Variants in HSDL2 observed in about 807,000 individuals in gnomAD.
The protein encoded by HSDL2 is hydroxysteroid dehydrogenase like 2.
Under a neutral mutation model 46.3 loss-of-function variants are expected in HSDL2, and 27 were observed. The observed-to-expected ratio is 0.58, with a 90% confidence interval of 0.43 to 0.80. The LOEUF (loss-of-function observed/expected upper bound fraction) is 0.80, where lower values mean the gene tolerates loss of function less well. Ranked by LOEUF, HSDL2 falls within the 30% of genes least tolerant of loss-of-function variation. HSDL2 has a pLI of 0.00. For synonymous variants in HSDL2, 153 were observed against 163.6 expected (o/e 0.94, Z 0.50); for missense variants, 451 against 502.7 (o/e 0.90, Z 0.98).
chr9:112,433,282 G>A (rs1183564641), intron 6 of HSDL2, among the ~76,000 whole-genome samples: 5 of 152,278 alleles, frequency 3.3e-5, no homozygotes, highest in East Asian at 1.9e-4. Context: ...GAACTACAAG[G>A]TTGGTGTATG....
At chr9:112,445,580 A>G (rs1186710237) in intron 8 of HSDL2, among the ~76,000 whole-genome samples, 3 of 151,952 alleles carry the variant, frequency 2.0e-5, no homozygotes, top group African/African-American at 7.2e-5. Flanking sequence ...GCTGGAATGC[A>G]GTGGCATGAT....
intron 10 of HSDL2, among the ~76,000 whole-genome samples, chr9:112,460,808 A>G (rs1161836665): frequency 2.0e-5 from 3 of 152,212 alleles, no homozygotes; most frequent in African/African-American, 7.2e-5. Context: ...CCACTGAAAG[A>G]TGACCATAAT....
At chr9:112,433,157 A>G (rs1832447340) in intron 6 of HSDL2, among the ~76,000 whole-genome samples, 1 of 152,186 alleles carries the variant, frequency 6.6e-6, no homozygotes, top group African/African-American at 2.4e-5. Flanking sequence ...AATTGAAATG[A>G]GATCTCAAGG....
rs1232381857 is a variant in HSDL2, at chr9:112,406,425, C to G, written c.280+703C>G. ...TCATCTTCTTCACAAAGTCAGTTCC[C>G]TCACCATGCCAACTAATCAGAATTA... On this transcript the variant is annotated intron_variant, in intron 3 of 10. Transcript: ENST00000398805. Among the ~76,000 whole-genome samples, 4 of 152,160 alleles carry G rather than the reference C, an allele frequency of 2.6e-5. No individual in the cohort carries two copies. The East Asian group carries it at 7.7e-4, about 29-fold the overall frequency.
chr9:112,463,310 G>C (rs558533883), intron 10 of HSDL2, among the ~76,000 whole-genome samples: 16 of 141,824 alleles, frequency 1.1e-4, no homozygotes, highest in Admixed American at 8.7e-4. Context: ...GTCTCGCTTT[G>C]CTGCCCAGGC....
chr9:112,439,981 C>G (rs959841406), intron 7 of HSDL2, among the ~76,000 whole-genome samples: 1 of 152,126 alleles, frequency 6.6e-6, no homozygotes, highest in Non-Finnish European at 1.5e-5. Flanking sequence ...GGCACAGTGC[C>G]CAGCATATAG....
intron 1 of HSDL2, among the ~76,000 whole-genome samples, chr9:112,398,703 C>T (rs1204428187): frequency 1.3e-5 from 2 of 152,078 alleles, no homozygotes; most frequent in East Asian, 3.9e-4. Context: ...GGCCCAATCA[C>T]CCCAAACAGT....
intron 1 of HSDL2, among the ~76,000 whole-genome samples, chr9:112,398,989 C>G (rs2132612965): frequency 6.6e-6 from 1 of 152,340 alleles, no homozygotes; most frequent in South Asian, 2.1e-4. Flanking sequence ...GGGAGCCGAA[C>G]AAGCGTTTCT....
chr9:112,454,046 A>G lies in HSDL2; in HGVS notation c.899A>G (p.Gln300Arg). The G allele has an allele frequency of 6.2e-7, 1 of 1,614,086 alleles. No homozygotes were observed. Among genetic ancestry groups the G allele is most frequent in the Non-Finnish European group, 8.5e-7 (1 of 1,179,970 alleles). Residue 300 changes from glutamine (Q) to arginine (R), a missense_variant, in exon 9 of 11, where the codon CAG (glutamine) becomes CGG (arginine). Physicochemically the swap from Gln to Arg is conservative, Grantham distance 43. Transcript: ENST00000398805. ...AVPEFKEEKL[Q>R]LQPKPRSGAV... is the part of the protein sequence containing the mutation. ...CCAGAATTCAAAGAAGAGAAACTGC[A>G]GCTGCAACCAAAACCACGTTCTGGA... is the stretch of plus-strand genomic sequence containing the variant.
At chr9:112,425,993 G>A (rs1411824761) in intron 6 of HSDL2, among the ~76,000 whole-genome samples, 1 of 152,068 alleles carries the variant, frequency 6.6e-6, no homozygotes, top group African/African-American at 2.4e-5. Context: ...CTTGCACCTC[G>A]GCCTCCCAAA....
At chr9:112,452,733 G>A (rs927699123) in intron 8 of HSDL2, among the ~76,000 whole-genome samples, 4 of 152,174 alleles carry the variant, frequency 2.6e-5, no homozygotes, top group South Asian at 2.1e-4. Context: ...GTGACAAAGC[G>A]AGACTGTCTC....
At chr9:112,456,611 A>G (rs142906681) in intron 9 of HSDL2, among the ~76,000 whole-genome samples, 2 of 152,212 alleles carry the variant, frequency 1.3e-5, no homozygotes, top group African/African-American at 4.8e-5. Context: ...CACTTTCTCT[A>G]GGAAACCCCA....
At chr9:112,401,174 A>G in intron 1 of HSDL2, among the ~76,000 whole-genome samples, 1 of 152,170 alleles carries the variant, frequency 6.6e-6, no homozygotes, top group East Asian at 1.9e-4. Flanking sequence ...TGAGTAAGTA[A>G]AAAGTTTAAA....
intron 8 of HSDL2, among the ~76,000 whole-genome samples, chr9:112,447,083 G>T (rs1173935508): frequency 2.0e-5 from 3 of 152,164 alleles, no homozygotes; most frequent in Admixed American, 2.0e-4. Context: ...TTGTGTATCA[G>T]TCTAGGTGAT....
rs115891408 is a variant in HSDL2 at position 112,443,246 on chromosome 9, T to C, written c.865+1476T>C. On this transcript the variant is annotated intron_variant, in intron 8 of 10. Transcript: ENST00000398805. Reference sequence around the variant, plus strand: ...CCAAATTTTAAATAAGAACCACTTATTGATCATGTATGTTCTTTTTGTTTA... The same window carrying C: ...CCAAATTTTAAATAAGAACCACTTACTGATCATGTATGTTCTTTTTGTTTA... 4.7e-3 allele frequency among the ~76,000 whole-genome samples: 717 copies of C among 152,318 alleles called. 4 individuals carry two copies. Among genetic ancestry groups the C allele is most frequent in the African/African-American group, 0.016 (669 of 41,570 alleles).
chr9:112,418,749 A>G lies in HSDL2; in HGVS notation c.500-111A>G, dbSNP rs564239136. ...CATACATATGTATATACATACATGC[A>G]CACATATATCAGGAAGAAAATAGTA... On this transcript the variant is annotated intron_variant, in intron 5 of 10. Transcript: ENST00000398805. 9 of 474,868 alleles carry G rather than the reference A, an allele frequency of 1.9e-5. No individual in the cohort carries two copies. In the South Asian group the frequency reaches 2.1e-4, roughly 11 times the overall value. The allele number at this position is 474,868 out of a possible 1,614,324, so 29.4% of individuals were successfully genotyped here.
chr9:112,461,146 T>G (rs923149920), intron 10 of HSDL2, among the ~76,000 whole-genome samples: 18 of 152,042 alleles, frequency 1.2e-4, no homozygotes, highest in African/African-American at 4.3e-4. Context: ...GTGTTAACCT[T>G]GGTTCACTGC....
chr9:112,444,063 C>T (rs1283581924), intron 8 of HSDL2, among the ~76,000 whole-genome samples: 1 of 152,240 alleles, frequency 6.6e-6, no homozygotes, highest in Non-Finnish European at 1.5e-5. Flanking sequence ...ACTTCCCTCA[C>T]CTAATGCTGC....
At chr9:112,394,733 T>G (rs1455423742) in intron 1 of HSDL2, among the ~76,000 whole-genome samples, 1 of 149,818 alleles carries the variant, frequency 6.7e-6, no homozygotes, top group African/African-American at 2.5e-5. Context: ...CAGCCCAGAC[T>G]TGAGTTTCTA....
Sources: gnomAD v4.1 joint callset for allele counts (sites outside exome capture counted in the v4.1 genomes callset) on GRCh38, gnomAD v4.1.1 for gene constraint, MANE v1.5 for transcripts, NCBI Gene and HGNC (gene_info 2026-07-23, HGNC 2026-07-21) for gene names.